The following SLC15A1 variants were observed in gnomAD, a reference collection of about 807,000 sequenced individuals.
SLC15A1 encodes solute carrier family 15 member 1.
Under a neutral mutation model 92.9 loss-of-function variants are expected in SLC15A1, and 83 were observed. That is an observed-to-expected ratio of 0.89 (90% CI 0.75 to 1.07). The LOEUF is 1.07. Among genes scored for constraint, SLC15A1 ranks in the 50% least tolerant of loss-of-function variants. The pLI, the probability that SLC15A1 is intolerant of heterozygous loss-of-function variation, is 0.00. For synonymous variants in SLC15A1, 322 were observed against 318.2 expected (o/e 1.01, Z -0.13); for missense variants, 857 against 880.1 (o/e 0.97, Z 0.33).
At position 98,687,667 on chromosome 13, in the gene SLC15A1, T is replaced by C. The variant is rs766408298; in HGVS notation, c.1741A>G (p.Met581Val). 3.1e-6 allele frequency: 5 copies of C among 1,614,144 alleles called. No homozygotes were observed. The highest frequency in any genetic ancestry group is 2.2e-5 in the East Asian group (1 of 44,878). ...FEDISANTVNMALQIPQYFLL... is the reference protein window; with the variant it reads ...FEDISANTVNVALQIPQYFLL... ...AAATACTGCGGGATTTGCAGAGCCATGTTAACTGTGTTGGCTGAAATATCT... is the reference window on the plus strand; with the variant it reads ...AAATACTGCGGGATTTGCAGAGCCACGTTAACTGTGTTGGCTGAAATATCT... Residue 581 changes from methionine (M) to valine (V), a missense_variant, in exon 21 of 23, where the codon ATG becomes GTG. Coordinates refer to ENST00000376503, the MANE Select transcript of SLC15A1 (RefSeq NM_005073.4).
At chr13:98,726,101 C>T (rs759802344) in intron 4 of SLC15A1, 22 bp downstream of exon 4, 3 of 1,610,884 alleles carry the variant, frequency 1.9e-6, no homozygotes, top group Admixed American at 3.4e-5. Context: ...TGTTTGTGAA[C>T]AAGAAATTTC....
chr13:98,709,329 C>T (rs2088141738), intron 14 of SLC15A1, among the ~76,000 whole-genome samples: 1 of 152,180 alleles, frequency 6.6e-6, no homozygotes, highest in Non-Finnish European at 1.5e-5. Flanking sequence ...TTACAATGAC[C>T]ATTCCTATCA....
intron 15 of SLC15A1, among the ~76,000 whole-genome samples, chr13:98,707,123 G>A (rs2088118719): frequency 6.6e-6 from 1 of 152,156 alleles, no homozygotes; most frequent in African/African-American, 2.4e-5. Flanking sequence ...CAGTGTCACT[G>A]AAGCAAGCCA....
chr13:98,708,758 C>G lies in SLC15A1; in HGVS notation c.1077G>C (p.Lys359Asn). 6.2e-7 allele frequency: 1 copy of G among 1,611,024 alleles called. No individual in the cohort carries two copies. ...CCAGGACCATGCCAACTGCCATCTT[C>G]TTCAAGGAGCTGATGGCACAAGAGA... Reference protein sequence around the residue: ...AKCGFNFTSLKKMAVGMVLAS... With the variant: ...AKCGFNFTSLNKMAVGMVLAS... Residue 359 changes from lysine to asparagine, a missense_variant, in exon 15 of 23, where the codon AAG becomes AAC. By Grantham distance (94) the Lys-to-Asn change is moderately conservative. Coordinates refer to ENST00000376503, the MANE Select transcript of SLC15A1 (RefSeq NM_005073.4).
In SLC15A1 at chr13:98,712,485, G is replaced by A. The variant is rs369532061; in HGVS notation, c.810+13C>T. 1 of 1,593,992 alleles carries A rather than the reference G, an allele frequency of 6.3e-7. No homozygotes were observed. The highest frequency in any genetic ancestry group is 1.7e-5 in the Admixed American group (1 of 59,396). ...GGGGAATCAGGGTCATTGTAGCAAT[G>A]ACCGTTACTTACATCGTATTTCTCT... On this transcript the variant is annotated intron_variant, in intron 10 of 22. Transcript: ENST00000376503.
chr13:98,710,196 A>G (rs1346656836), intron 11 of SLC15A1, among the ~76,000 whole-genome samples: 1 of 152,230 alleles, frequency 6.6e-6, no homozygotes, highest in Non-Finnish European at 1.5e-5. Context: ...AAATACAAAA[A>G]TGCATTTCTG....
At position 98,719,300 on chromosome 13, in the gene SLC15A1, T is replaced by G; in HGVS notation, c.577A>C (p.Ser193Arg). The change falls in exon 8 of 23, where the codon AGT (serine) becomes CGT (arginine). Residue 193 changes from serine to arginine, a missense_variant. Coordinates refer to ENST00000376503, the MANE Select transcript of SLC15A1 (RefSeq NM_005073.4). ...GCCAGTGGGTAACAAGCTTGTTTACTGTGAATTCCACATTGTTGAACTGGG... is the reference window on the plus strand; with the variant it reads ...GCCAGTGGGTAACAAGCTTGTTTACGGTGAATTCCACATTGTTGAACTGGG... ...MLRVQQCGIH[S>R]KQACYPLAFG... 1 of 1,613,740 alleles carries G rather than the reference T, an allele frequency of 6.2e-7. No individual in the cohort carries two copies. The highest frequency in any genetic ancestry group is 8.5e-7 in the Non-Finnish European group (1 of 1,179,646).
At chr13:98,696,168 C>T (rs527831011) in intron 18 of SLC15A1, among the ~76,000 whole-genome samples, 1 of 151,722 alleles carries the variant, frequency 6.6e-6, no homozygotes, top group Non-Finnish European at 1.5e-5. Context: ...AATCCCAGCA[C>T]TTTGGGAGGC....
At chr13:98,726,555 T>C in intron 2 of SLC15A1, 106 bp from the exon 3 acceptor site, 2 of 1,004,186 alleles carry the variant, frequency 2.0e-6, no homozygotes, top group South Asian at 2.7e-5. Context: ...ATTCAGTAAC[T>C]TACCGGTGAC....
At chr13:98,714,857 T>A (rs1481210377) in intron 9 of SLC15A1, among the ~76,000 whole-genome samples, 2 of 151,518 alleles carry the variant, frequency 1.3e-5, no homozygotes, top group Non-Finnish European at 2.9e-5. Context: ...AAATGGGGAG[T>A]GTATAAGGAA....
chr13:98,702,632 T>C (rs538427309), intron 17 of SLC15A1, 103 bp from the exon 18 acceptor site: 6 of 935,596 alleles, frequency 6.4e-6, no homozygotes, highest in Admixed American at 1.9e-5. Context: ...TTGACACTTA[T>C]CCTAGGACCT....
At position 98,724,019 on chromosome 13, in the gene SLC15A1, C is replaced by T. The variant is rs8187823; in HGVS notation, c.258G>A (p.Ser86=). ...SWLGKFKTIV[S]LSIVYTIGQA... ...GTCCAATTGTGTAGACAATGGAGAG[C>T]GACACAATGGTCCTGTGTTTCCAAA... Residue 86 remains serine (S), a synonymous_variant, in exon 5 of 23, where the codon TCG becomes TCA. Transcript: ENST00000376503. 1,026 of 1,613,904 alleles carry T rather than the reference C, an allele frequency of 6.4e-4. 11 individuals are homozygous for T. In the African/African-American group the frequency reaches 0.011, roughly 18 times the overall value.
chr13:98,706,102 G>A (rs1376579321), intron 16 of SLC15A1, 32 bp downstream of exon 16: 5 of 1,593,686 alleles, frequency 3.1e-6, no homozygotes, highest in Admixed American at 3.7e-5. Context: ...GTCAGAAGAT[G>A]AAAAAGAAGG....
At chr13:98,700,879 A>G (rs1396416287) in intron 18 of SLC15A1, among the ~76,000 whole-genome samples, 3 of 152,156 alleles carry the variant, frequency 2.0e-5, no homozygotes, top group African/African-American at 7.2e-5. Flanking sequence ...TGGATTATTC[A>G]TTCATGTATG....
chr13:98,709,726 C>T lies in SLC15A1; in HGVS notation c.978+16G>A. On this transcript the variant is annotated intron_variant, in intron 13 of 22. Coordinates refer to ENST00000376503, the MANE Select transcript of SLC15A1 (RefSeq NM_005073.4). Reference sequence around the variant, plus strand: ...AGACGACTCTGATCCCTGAAAGCAACTTACATGTCTTCTACCTGCATCTGA... The same window carrying T: ...AGACGACTCTGATCCCTGAAAGCAATTTACATGTCTTCTACCTGCATCTGA... 6.2e-7 allele frequency: 1 copy of T among 1,614,204 alleles called. No homozygotes were observed. Among genetic ancestry groups the T allele is most frequent in the Non-Finnish European group, 8.5e-7 (1 of 1,180,044 alleles).
chr13:98,727,406 T>C (rs745637792), intron 1 of SLC15A1, among the ~76,000 whole-genome samples: 2 of 152,194 alleles, frequency 1.3e-5, no homozygotes, highest in Non-Finnish European at 2.9e-5. Context: ...GGGCAGTTTA[T>C]ATTTTTGCTT....
At chr13:98,720,540 T>C (rs1196895914) in intron 7 of SLC15A1, 1 of 153,180 alleles carries the variant, frequency 6.5e-6, no homozygotes, top group African/African-American at 2.4e-5. Context: ...CCCCCTGAAA[T>C]CTTTATTTCA....
chr13:98,728,228 G>C (rs1363052990), intron 1 of SLC15A1, among the ~76,000 whole-genome samples: 1 of 152,146 alleles, frequency 6.6e-6, no homozygotes, highest in Non-Finnish European at 1.5e-5. Flanking sequence ...CTATGTGTCT[G>C]TTTCCATGCT....
intron 1 of SLC15A1, among the ~76,000 whole-genome samples, chr13:98,736,534 T>G (rs1348790187): frequency 6.6e-6 from 1 of 152,090 alleles, no homozygotes; most frequent in Non-Finnish European, 1.5e-5. Context: ...CAAAAGAAAC[T>G]GCCATCGGAG....
Sources: gnomAD v4.1 joint callset for allele counts (sites outside exome capture counted in the v4.1 genomes callset) on GRCh38, gnomAD v4.1.1 for gene constraint, MANE v1.5 for transcripts, NCBI Gene and HGNC (gene_info 2026-07-23, HGNC 2026-07-21) for gene names.